The following GBA2 variants were observed in gnomAD, a reference collection of about 807,000 sequenced individuals.
GBA2 encodes non-lysosomal glucosylceramidase.
Under a neutral mutation model 112.9 loss-of-function variants are expected in GBA2, and 79 were observed. That is an observed-to-expected ratio of 0.70 (90% CI 0.58 to 0.84). GBA2 has a LOEUF of 0.84. GBA2 is among the 40% of genes least tolerant of loss of function. The probability of loss-of-function intolerance (pLI) is 0.00; values close to 1 mark genes in which losing one functional copy is unlikely to be tolerated. For missense variants in GBA2, 1,043 were observed against 1,190.0 expected (o/e 0.88, Z 1.82); for synonymous variants, 403 against 434.3 (o/e 0.93, Z 0.90).
rs1826384900 is a variant in GBA2 at position 35,738,391 on chromosome 9, G to GT, written c.2055-18dup. The GT allele has an allele frequency of 6.2e-7, 1 of 1,611,930 alleles. No individual in the cohort carries two copies. Among genetic ancestry groups the GT allele is most frequent in the African/African-American group, 1.3e-5 (1 of 74,810 alleles). On this transcript the variant is annotated splice_polypyrimidine_tract_variant and intron_variant, in intron 13 of 16. Coordinates refer to ENST00000378103, the MANE Select transcript of GBA2 (RefSeq NM_020944.3). ...CAGTAAGCACTGATCAGGGACATGGGTTTGGGGGTCAGACTGGCAGCTCCA... is the reference window on the plus strand; with the variant it reads ...CAGTAAGCACTGATCAGGGACATGGGTTTTGGGGGTCAGACTGGCAGCTCCA...
In GBA2 at chr9:35,741,964, A is replaced by G. The variant is rs1421814760; in HGVS notation, c.568-74T>C. 2.9e-5 allele frequency: 28 copies of G among 965,928 alleles called. No individual in the cohort carries two copies. The highest frequency in any genetic ancestry group is 4.3e-5 in the Non-Finnish European group (26 of 610,844). The allele number at this position is 965,928 out of a possible 1,614,324, so 59.8% of individuals were successfully genotyped here. ...ACTAAGTCTTCCCTCTCCTCAAATCAGCTCCTCCCCTTTCAGAGCCTGCAA... is the reference window on the plus strand; with the variant it reads ...ACTAAGTCTTCCCTCTCCTCAAATCGGCTCCTCCCCTTTCAGAGCCTGCAA... On this transcript the variant is annotated intron_variant, in intron 3 of 16. Transcript: ENST00000378103. The surrounding 1 kb of genome is among the most constrained non-coding windows in gnomAD (Gnocchi z 4.6).
At position 35,748,375 on chromosome 9, in the gene GBA2, G is replaced by T. The variant is rs1220459901; in HGVS notation, c.330C>A (p.Asn110Lys). 6.2e-7 allele frequency: 1 copy of T among 1,612,868 alleles called. No homozygotes were observed. The highest frequency in any genetic ancestry group is 8.5e-7 in the Non-Finnish European group (1 of 1,178,982). Reference protein sequence around the residue: ...PFQANNVSLSNMIKHIGMGLR... With the variant: ...PFQANNVSLSKMIKHIGMGLR... The stretch of plus-strand genomic sequence containing the variant: ...AGCCCATGCCTATATGCTTTATCAT[G>T]TTGCTTAGGGAGACGTTGTTAGCTT... Residue 110 changes from asparagine (N) to lysine (K), a missense_variant, in exon 1 of 17, where the codon AAC becomes AAA. By Grantham distance (94) the Asn-to-Lys change is moderately conservative. Coordinates refer to ENST00000378103, the MANE Select transcript of GBA2 (RefSeq NM_020944.3).
chr9:35,737,547 G>C lies in GBA2; in HGVS notation c.2506-100C>G. ...GCAGTAGAGTCTTTGCCTTCAAGGA[G>C]CTCCCAGCAAGTGGAGGAGATAACT... On this transcript the variant is annotated intron_variant, in intron 16 of 16. Coordinates refer to ENST00000378103, the MANE Select transcript of GBA2 (RefSeq NM_020944.3). This position sits in a 1 kb window ranked among gnomAD's most constrained non-coding sequence, Gnocchi z 4.1. The C allele has an allele frequency of 6.4e-7, 1 of 1,557,718 alleles. No individual in the cohort carries two copies. The highest frequency in any genetic ancestry group is 2.4e-5 in the East Asian group (1 of 41,300).
Position 35,744,381 on chromosome 9 carries a change from A to G in GBA2, c.483T>C (p.Thr161=), listed in dbSNP as rs772266726. ...ACTGGCCTCTCCAGCCACGGGTAAT[A>G]GTGCCTCCCCCGATGCCACCCAAGG... is the stretch of plus-strand genomic sequence containing the variant. ...GCPLGGIGGG[T]ITRGWRGQFC... The change falls in exon 3 of 17, where the codon ACT becomes ACC. Residue 161 remains threonine, a synonymous_variant. Transcript: ENST00000378103. The G allele has an allele frequency of 6.8e-6, 11 of 1,612,022 alleles. No homozygotes were observed. Among genetic ancestry groups the G allele is most frequent in the African/African-American group, 2.7e-5 (2 of 74,872 alleles).
chr9:35,744,325 T>A lies in GBA2; in HGVS notation c.539A>T (p.Tyr180Phe). 2 of 1,611,860 alleles carry A rather than the reference T, an allele frequency of 1.2e-6. No homozygotes were observed. Among genetic ancestry groups the A allele is most frequent in the Non-Finnish European group, 1.7e-6 (2 of 1,177,940 alleles). Residue 180 changes from tyrosine (Y) to phenylalanine (F), a missense_variant, in exon 3 of 17, where the codon TAT (tyrosine) becomes TTT (phenylalanine). Coordinates refer to ENST00000378103, the MANE Select transcript of GBA2 (RefSeq NM_020944.3). ...FCRWQLNPGM[Y>F]QHRTVIADQF... Reference sequence around the variant, plus strand: ...GTCAGCGATGACTGTCCGGTGCTGATACATTCCAGGGTTAAGCTGCCAACG... The same window carrying A: ...GTCAGCGATGACTGTCCGGTGCTGAAACATTCCAGGGTTAAGCTGCCAACG...
At chr9:35,747,917 G>A (rs1366923399) in intron 1 of GBA2, among the ~76,000 whole-genome samples, 1 of 152,192 alleles carries the variant, frequency 6.6e-6, no homozygotes, top group East Asian at 1.9e-4. Flanking sequence ...GAGGTACAGA[G>A]AATGCCCCAG....
chr9:35,743,326 T>C (rs767439282), intron 3 of GBA2: 1 of 153,808 alleles, frequency 6.5e-6, no homozygotes, highest in Non-Finnish European at 1.5e-5. Flanking sequence ...AGTGTCCTCA[T>C]CTGCAAAATG....
chr9:35,744,778 C>T (rs1487937795), intron 1 of GBA2, 72 bp from the exon 2 acceptor site: 3 of 797,834 alleles, frequency 3.8e-6, no homozygotes, highest in East Asian at 4.9e-5. Flanking sequence ...TCACCTGCCT[C>T]TCTCTGTGAC....
intron 3 of GBA2, chr9:35,743,366 T>C (rs1290352010): frequency 6.5e-6 from 1 of 153,722 alleles, no homozygotes; most frequent in African/African-American, 2.4e-5. Flanking sequence ...CCTTGTAGGA[T>C]TGTTTTTAAT....
At position 35,737,108 on chromosome 9, in the gene GBA2, A is replaced by G; in HGVS notation, c.*61T>C. 1 of 1,557,506 alleles carries G rather than the reference A, an allele frequency of 6.4e-7. No homozygotes were observed. The highest frequency in any genetic ancestry group is 8.6e-7 in the Non-Finnish European group (1 of 1,157,370). On this transcript the variant is annotated 3_prime_UTR_variant, in exon 17 of 17. Coordinates refer to ENST00000378103, the MANE Select transcript of GBA2 (RefSeq NM_020944.3). The surrounding 1 kb of genome is among the most constrained non-coding windows in gnomAD (Gnocchi z 4.1). Reference sequence around the variant, plus strand: ...AGGGTTGCAGGAGGTTCAGAGGGGAAGGAGGAAAGGCCAGGCTGGAGGCTG... The same window carrying G: ...AGGGTTGCAGGAGGTTCAGAGGGGAGGGAGGAAAGGCCAGGCTGGAGGCTG...
chr9:35,741,059 G>A lies in GBA2; in HGVS notation c.792C>T (p.Ser264=). The change falls in exon 5 of 17, where the codon AGC becomes AGT. Residue 264 remains serine (S), a synonymous_variant. Transcript: ENST00000378103. The surrounding 1 kb of genome is among the most constrained non-coding windows in gnomAD (Gnocchi z 4.6). ...ACACAAAGACTCCTACAGGCAGGCT[G>A]CTGTCCTGGGGGCAGAAGATTAGAC... ...TPILPHDYQD[S]SLPVGVFVWD... 4.3e-6 allele frequency: 7 copies of A among 1,614,012 alleles called. No homozygotes were observed. Among genetic ancestry groups the A allele is most frequent in the South Asian group, 1.1e-5 (1 of 91,078 alleles).
At chr9:35,738,730 C>CCACTGCATGTGCATCCCTTACTAGA (rs1191987642) in intron 12 of GBA2, 22 bp downstream of exon 12, 1 of 1,612,572 alleles carries the variant, frequency 6.2e-7, no homozygotes, top group Non-Finnish European at 8.5e-7. Context: ...GGCACACTGG[C>CCACTGCATGTGCATCCCTTACTAGA]CACTGCATGT....
At position 35,737,028 on chromosome 9, in the gene GBA2, T is replaced by A; in HGVS notation, c.*141A>T. ...TGCCTAGGTCACCCTCAACCCCCAT[T>A]TACTGGCACAATTGGGTGGAGAGAA... On this transcript the variant is annotated 3_prime_UTR_variant, in exon 17 of 17. Coordinates refer to ENST00000378103, the MANE Select transcript of GBA2 (RefSeq NM_020944.3). The surrounding 1 kb of genome is among the most constrained non-coding windows in gnomAD (Gnocchi z 4.1). 7.5e-7 allele frequency: 1 copy of A among 1,337,914 alleles called. No homozygotes were observed. Among genetic ancestry groups the A allele is most frequent in the South Asian group, 1.4e-5 (1 of 69,254 alleles). 82.9% of individuals were successfully genotyped at this position (1,337,914 alleles called of 1,614,324 possible).
chr9:35,739,036 C>T lies in GBA2; in HGVS notation c.1761G>A (p.Arg587=), dbSNP rs1041243651. The T allele has an allele frequency of 6.2e-7, 1 of 1,613,738 alleles. No individual in the cohort carries two copies. Among genetic ancestry groups the T allele is most frequent in the Non-Finnish European group, 8.5e-7 (1 of 1,179,746 alleles). Residue 587 remains arginine (R), a synonymous_variant, in exon 11 of 17, where the codon AGG becomes AGA. Coordinates refer to ENST00000378103, the MANE Select transcript of GBA2 (RefSeq NM_020944.3). ...LMSGVMAPVK[R]RNVIPHDIGD... Reference sequence around the variant, plus strand: ...CAATATCATGGGGGATGACGTTCCTCCTTTTCACAGGTGCCATCACCCCAC... The same window carrying T: ...CAATATCATGGGGGATGACGTTCCTTCTTTTCACAGGTGCCATCACCCCAC...
At chr9:35,742,996 G>T (rs1323219001) in intron 3 of GBA2, among the ~76,000 whole-genome samples, 1 of 152,154 alleles carries the variant, frequency 6.6e-6, no homozygotes, top group African/African-American at 2.4e-5. Context: ...CACAACAAGG[G>T]TTTATGTAAC....
Position 35,741,932 on chromosome 9 carries a change from AC to A in GBA2, c.568-43del. The A allele has an allele frequency of 7.5e-7, 1 of 1,337,640 alleles. No individual in the cohort carries two copies. The highest frequency in any genetic ancestry group is 1.1e-6 in the Non-Finnish European group (1 of 932,702). The allele number at this position is 1,337,640 out of a possible 1,614,324, so 82.9% of individuals were successfully genotyped here. ...GGCTGGAACGGGGTAAACCACAGGG[AC>A]CACAGACTAAGTCTTCCCTCTCCTC... is the stretch of plus-strand genomic sequence containing the variant. On this transcript the variant is annotated intron_variant, in intron 3 of 16. Coordinates refer to ENST00000378103, the MANE Select transcript of GBA2 (RefSeq NM_020944.3). This position sits in a 1 kb window ranked among gnomAD's most constrained non-coding sequence, Gnocchi z 4.6.
In GBA2 at chr9:35,746,111, G is replaced by C. The variant is rs980995307; in HGVS notation, c.360-1405C>G. ...TCATGTGAGGCTGACATACTTTTAAGTTCCTTGGGGAAAGGGACAATGACA... is the reference window on the plus strand; with the variant it reads ...TCATGTGAGGCTGACATACTTTTAACTTCCTTGGGGAAAGGGACAATGACA... On this transcript the variant is annotated intron_variant, in intron 1 of 16. Coordinates refer to ENST00000378103, the MANE Select transcript of GBA2 (RefSeq NM_020944.3). The surrounding 1 kb of genome is among the most constrained non-coding windows in gnomAD (Gnocchi z 5.2). Among the ~76,000 whole-genome samples the C allele has an allele frequency of 6.6e-6, 1 of 152,230 alleles. No individual in the cohort carries two copies. Among genetic ancestry groups the C allele is most frequent in the African/African-American group, 2.4e-5 (1 of 41,452 alleles).
chr9:35,740,177 TC>T lies in GBA2; in HGVS notation c.1283+31del, dbSNP rs1826563806. On this transcript the variant is annotated intron_variant, in intron 7 of 16. Coordinates refer to ENST00000378103, the MANE Select transcript of GBA2 (RefSeq NM_020944.3). The surrounding 1 kb of genome is among the most constrained non-coding windows in gnomAD (Gnocchi z 4.7). Reference sequence around the variant, plus strand: ...AAGCCCCAGGTCAGAGCCCCAGCACTCTGGATCCTTACACTTTCTTGGTCCC... The same window carrying T: ...AAGCCCCAGGTCAGAGCCCCAGCACTTGGATCCTTACACTTTCTTGGTCCC... The T allele has an allele frequency of 6.2e-7, 1 of 1,613,794 alleles. No homozygotes were observed.
chr9:35,747,987 TA>T (rs1479310254), intron 1 of GBA2, among the ~76,000 whole-genome samples: 1 of 152,216 alleles, frequency 6.6e-6, no homozygotes, highest in Non-Finnish European at 1.5e-5. Context: ...AACATTGTGT[TA>T]GTATCACAGC....
Sources: gnomAD v4.1 joint callset for allele counts (sites outside exome capture counted in the v4.1 genomes callset) on GRCh38, gnomAD v4.1.1 for gene constraint, Gnocchi (gnomAD v3.1) non-coding constraint, MANE v1.5 for transcripts, NCBI Gene and HGNC (gene_info 2026-07-23, HGNC 2026-07-21) for gene names.